Variants in PPP2R2B observed in about 807,000 individuals in gnomAD.
The protein encoded by PPP2R2B is protein phosphatase 2 regulatory subunit Bbeta, also known as serine/threonine-protein phosphatase 2A 55 kDa regulatory subunit B beta isoform.
In PPP2R2B, 5 loss-of-function variants were observed where a neutral mutation model predicts 46.0. That is an observed-to-expected ratio of 0.11 (90% confidence interval 0.06 to 0.23). The LOEUF (loss-of-function observed/expected upper bound fraction) is 0.23. PPP2R2B is among the 10% of genes least tolerant of loss of function. The pLI is 1.00. For synonymous variants in PPP2R2B, 215 were observed against 206.7 expected (o/e 1.04, Z -0.34); for missense variants, 367 against 575.0 (o/e 0.64, Z 3.70).
chr5:147,041,610 T>TAAGAA (rs11434413), intron 1 of PPP2R2B, among the ~76,000 whole-genome samples: 55 of 151,842 alleles, frequency 3.6e-4, no homozygotes, highest in Admixed American at 5.2e-4. Context: ...GTATTACACT[T>TAAGAA]AGAGTTTTTT....
chr5:146,851,320 A>G (rs1760337379), intron 2 of PPP2R2B, among the ~76,000 whole-genome samples: 1 of 152,176 alleles, frequency 6.6e-6, no homozygotes, highest in African/African-American at 2.4e-5. Flanking sequence ...GATTCCAGGC[A>G]CTGTGTTAGA....
intron 2 of PPP2R2B, among the ~76,000 whole-genome samples, chr5:146,756,083 G>A (rs1753813469): frequency 6.6e-6 from 1 of 152,196 alleles, no homozygotes. Flanking sequence ...TTTTCAGGAT[G>A]ATGGGAAGGA....
rs1326206876 is a variant in PPP2R2B at position 146,801,940 on chromosome 5, G to C, written c.70+76062C>G. Among the ~76,000 whole-genome samples, 2 of 152,240 alleles carry C rather than the reference G, an allele frequency of 1.3e-5. 1 individual carries two copies. The highest frequency in any genetic ancestry group is 3.8e-4 in the East Asian group (2 of 5,198). On this transcript the variant is annotated intron_variant, in intron 2 of 9. Transcript: ENST00000394411. ...CTTAACCATGCTGGAATGAAAGGGA[G>C]GAGCAGCTGCATGTGTCTGTCATTC...
chr5:147,047,594 A>C (rs1273334551), intron 1 of PPP2R2B, among the ~76,000 whole-genome samples: 5 of 152,188 alleles, frequency 3.3e-5, no homozygotes, highest in Non-Finnish European at 5.9e-5. Context: ...GAATGATCAC[A>C]TTTACTCACC....
At chr5:146,813,261 A>G (rs1473286192) in intron 2 of PPP2R2B, among the ~76,000 whole-genome samples, 1 of 152,040 alleles carries the variant, frequency 6.6e-6, no homozygotes, top group Non-Finnish European at 1.5e-5. Context: ...TTTACACACA[A>G]ACACACATAC....
At chr5:146,752,064 C>T (rs1190655802) in intron 2 of PPP2R2B, among the ~76,000 whole-genome samples, 1 of 152,042 alleles carries the variant, frequency 6.6e-6, no homozygotes, top group Non-Finnish European at 1.5e-5. Context: ...CATGATTTGA[C>T]TTACAGAGAA....
chr5:146,917,616 A>G (rs1285144033), intron 1 of PPP2R2B, among the ~76,000 whole-genome samples: 2 of 152,164 alleles, frequency 1.3e-5, no homozygotes, highest in Non-Finnish European at 2.9e-5. Flanking sequence ...GTCCCTTCAC[A>G]TTTTTTATAA....
At chr5:146,691,972 T>C (rs931560982) in intron 4 of PPP2R2B, among the ~76,000 whole-genome samples, 6 of 152,218 alleles carry the variant, frequency 3.9e-5, no homozygotes, top group African/African-American at 1.4e-4. Context: ...CTCAGAACCA[T>C]TCTCTATCTC....
At chr5:147,080,900 C>A (rs1297629198) in intron 2 of PPP2R2B, among the ~76,000 whole-genome samples, 2 of 151,612 alleles carry the variant, frequency 1.3e-5, no homozygotes, top group African/African-American at 2.4e-5. Flanking sequence ...AAAAAAAAAA[C>A]AGGAGAGAAA....
intron 1 of PPP2R2B, among the ~76,000 whole-genome samples, chr5:146,883,951 G>C (rs186183306): frequency 6.6e-6 from 1 of 152,082 alleles, no homozygotes; most frequent in Admixed American, 6.5e-5. Context: ...GTAGGTACTG[G>C]CTATTGAGAG....
chr5:146,804,457 T>A (rs924232943), intron 2 of PPP2R2B, among the ~76,000 whole-genome samples: 1 of 152,126 alleles, frequency 6.6e-6, no homozygotes, highest in African/African-American at 2.4e-5. Flanking sequence ...CCCTCTCCCC[T>A]CCATCCCCTC....
chr5:146,716,575 C>T (rs1002609554), intron 2 of PPP2R2B, among the ~76,000 whole-genome samples: 18 of 152,216 alleles, frequency 1.2e-4, no homozygotes, highest in Non-Finnish European at 2.2e-4. Flanking sequence ...TTGTGAAATT[C>T]TGCATCTTAT....
chr5:146,908,833 G>A (rs1419037640), intron 1 of PPP2R2B, among the ~76,000 whole-genome samples: 1 of 148,846 alleles, frequency 6.7e-6, no homozygotes, highest in Non-Finnish European at 1.5e-5. Context: ...CCAGGGTTTT[G>A]CTATGTTGCC....
chr5:146,807,023 T>G (rs1757219881), intron 2 of PPP2R2B, among the ~76,000 whole-genome samples: 1 of 152,186 alleles, frequency 6.6e-6, no homozygotes, highest in Non-Finnish European at 1.5e-5. Flanking sequence ...GAAACCTTGT[T>G]ACCCTAAGTA....
Position 146,878,627 on chromosome 5 carries a change from G to T in PPP2R2B, c.-161C>A, listed in dbSNP as rs1345182470. On this transcript the variant is annotated 5_prime_UTR_variant, in exon 1 of 10. Transcript: ENST00000394411. The surrounding 1 kb of genome is among the most constrained non-coding windows in gnomAD (Gnocchi z 4.5). ...GAGGGTGCTGGTCCCACGGGAGGGC[G>T]GCTCCGGCAGGCGGGGGTAGGGAAG... The T allele has an allele frequency of 1.8e-5, 22 of 1,245,494 alleles. 1 individual carries two copies. In the Admixed American group the frequency reaches 2.0e-4, roughly 12 times the overall value. The allele number at this position is 1,245,494 out of a possible 1,614,324, so 77.2% of individuals were successfully genotyped here.
At chr5:146,827,157 A>C (rs2151342644) in intron 2 of PPP2R2B, among the ~76,000 whole-genome samples, 1 of 152,306 alleles carries the variant, frequency 6.6e-6, no homozygotes, top group Non-Finnish European at 1.5e-5. Flanking sequence ...GCTTATGTGC[A>C]TGCTTGGAAT....
At chr5:146,711,354 T>C (rs1220194276) in intron 2 of PPP2R2B, among the ~76,000 whole-genome samples, 1 of 152,170 alleles carries the variant, frequency 6.6e-6, no homozygotes, top group Non-Finnish European at 1.5e-5. Context: ...TGGATAACCC[T>C]AAACAAAGTA....
rs1014196092 is a variant in PPP2R2B at position 146,862,873 on chromosome 5, A to C, written c.70+15129T>G. Among the ~76,000 whole-genome samples the C allele has an allele frequency of 2.3e-4, 35 of 151,880 alleles. No individual in the cohort carries two copies. In the Middle Eastern group the frequency reaches 0.01, roughly 44 times the overall value. ...TCAAGTAATTGGAAAAAAAAAAAAAAAAAACCCTGGCTTACATAATGGGCT... is the reference window on the plus strand; with the variant it reads ...TCAAGTAATTGGAAAAAAAAAAAAACAAAACCCTGGCTTACATAATGGGCT... On this transcript the variant is annotated intron_variant, in intron 2 of 9. Transcript: ENST00000394411.
intron 5 of PPP2R2B, among the ~76,000 whole-genome samples, chr5:146,670,929 C>T (rs1005463695): frequency 6.6e-6 from 1 of 151,932 alleles, no homozygotes; most frequent in Non-Finnish European, 1.5e-5. Context: ...AAAATAAATA[C>T]AATAAAAATT....
Sources: allele counts gnomAD v4.1 joint callset (sites outside exome capture counted in the v4.1 genomes callset), GRCh38; gene constraint gnomAD v4.1.1; non-coding constraint Gnocchi (gnomAD v3.1); transcripts MANE v1.5; gene names NCBI Gene and HGNC (gene_info 2026-07-23, HGNC 2026-07-21).